The following CSMD1 variants were observed in gnomAD, a reference collection of about 807,000 sequenced individuals.
CSMD1 encodes the protein CUB and sushi domain-containing protein 1.
In CSMD1, 213 loss-of-function variants were observed where a neutral mutation model predicts 417.5. The observed-to-expected ratio is 0.51, with a 90% CI of 0.46 to 0.57. The LOEUF is 0.57. CSMD1 is among the 20% of genes least tolerant of loss of function. The probability of loss-of-function intolerance (pLI) is 0.00; values close to 1 mark genes in which losing one functional copy is unlikely to be tolerated. For missense variants in CSMD1, 6,923 were observed against 4,529.7 expected (o/e 1.53, Z -15.17); for synonymous variants, 2,862 against 1,736.8 (o/e 1.65, Z -16.11).
intron 1 of CSMD1, among the ~76,000 whole-genome samples, chr8:4,854,722 G>A (rs185069036): frequency 2.6e-5 from 4 of 152,248 alleles, no homozygotes; most frequent in African/African-American, 7.2e-5. Context: ...AAAAAACGGT[G>A]CACCACGAGA....
At chr8:4,793,089 T>C (rs1797781078) in intron 1 of CSMD1, among the ~76,000 whole-genome samples, 2 of 152,174 alleles carry the variant, frequency 1.3e-5, no homozygotes, top group South Asian at 4.1e-4. Flanking sequence ...TATAGCACTG[T>C]CATATACAAT....
chr8:4,040,011 T>A (rs909163290), intron 3 of CSMD1, among the ~76,000 whole-genome samples: 3 of 152,024 alleles, frequency 2.0e-5, no homozygotes, highest in Non-Finnish European at 1.5e-5. Flanking sequence ...CCCATACATG[T>A]CAGGACTGTT....
chr8:4,017,663 A>AT (rs889362534), intron 4 of CSMD1, among the ~76,000 whole-genome samples: 45 of 151,036 alleles, frequency 3.0e-4, no homozygotes, highest in African/African-American at 5.8e-4. Flanking sequence ...CTAATTAAGA[A>AT]TTTTTTTTTT....
At chr8:4,631,153 G>T (rs1001842361) in intron 2 of CSMD1, among the ~76,000 whole-genome samples, 2 of 152,096 alleles carry the variant, frequency 1.3e-5, no homozygotes. Context: ...ACGAGGTCAG[G>T]AGTTCTAGAC....
intron 26 of CSMD1, among the ~76,000 whole-genome samples, chr8:3,241,224 G>A (rs1366865567): frequency 2.6e-5 from 4 of 151,378 alleles, no homozygotes; most frequent in East Asian, 1.9e-4. Context: ...TAACTAAAAA[G>A]GAGTGCTTAA....
intron 1 of CSMD1, among the ~76,000 whole-genome samples, chr8:4,644,307 T>A (rs1016542929): frequency 3.9e-5 from 6 of 152,158 alleles, no homozygotes; most frequent in African/African-American, 1.4e-4. Flanking sequence ...TTGCCCAGAT[T>A]TTTTCATTGA....
At chr8:4,277,216 T>TACAC (rs398006965) in intron 3 of CSMD1, among the ~76,000 whole-genome samples, 219 of 147,094 alleles carry the variant, frequency 1.5e-3, no homozygotes, top group Non-Finnish European at 2.8e-3. Flanking sequence ...TATATATATA[T>TACAC]ACACACAGAC....
intron 3 of CSMD1, among the ~76,000 whole-genome samples, chr8:4,207,938 T>C (rs958327967): frequency 3.3e-5 from 5 of 152,164 alleles, no homozygotes; most frequent in African/African-American, 9.7e-5. Context: ...ATTTCTTCCA[T>C]GCCTAAGAAT....
chr8:4,090,677 T>G (rs935580572), intron 3 of CSMD1, among the ~76,000 whole-genome samples: 2 of 152,200 alleles, frequency 1.3e-5, no homozygotes, highest in Non-Finnish European at 2.9e-5. Context: ...CACATCAATT[T>G]CCTAATTTTA....
At chr8:4,821,972 A>C in intron 1 of CSMD1, among the ~76,000 whole-genome samples, 1 of 152,112 alleles carries the variant, frequency 6.6e-6, no homozygotes, top group Non-Finnish European at 1.5e-5. Flanking sequence ...AGAGAATACT[A>C]CGTAAAATAA....
In CSMD1 at chr8:3,351,977, TTTTG is replaced by T. The variant is rs1271728784; in HGVS notation, c.3305-3820_3305-3817del. On this transcript the variant is annotated intron_variant, in intron 21 of 69. Transcript: ENST00000635120. Reference sequence around the variant, plus strand: ...TACCATCCTACTGAACATAGGACAGTTTTGTTTTTGCTTTGTCACCTTTTTTTTC... The same window carrying T: ...TACCATCCTACTGAACATAGGACAGTTTTTTGCTTTGTCACCTTTTTTTTC... Among the ~76,000 whole-genome samples the T allele has an allele frequency of 2.6e-5, 4 of 152,226 alleles. No homozygotes were observed. In the East Asian group the frequency reaches 7.7e-4, roughly 29 times the overall value.
chr8:3,558,647 G>A lies in CSMD1; in HGVS notation c.1344+16298C>T, dbSNP rs537319667. 7.3e-5 allele frequency among the ~76,000 whole-genome samples: 11 copies of A among 150,032 alleles called. No homozygotes were observed. In the East Asian group the frequency reaches 9.8e-4, roughly 13 times the overall value. ...GAATAGTGCCTCAATAGTACCCCGTGTCCACTCCTCCAATGATGAACGGTG... is the reference window on the plus strand; with the variant it reads ...GAATAGTGCCTCAATAGTACCCCGTATCCACTCCTCCAATGATGAACGGTG... On this transcript the variant is annotated intron_variant, in intron 10 of 69. Transcript: ENST00000635120.
intron 2 of CSMD1, among the ~76,000 whole-genome samples, chr8:4,506,554 G>A (rs542333817): frequency 7.2e-5 from 11 of 152,032 alleles, no homozygotes; most frequent in African/African-American, 2.7e-4. Flanking sequence ...AAGGGACCTG[G>A]GTCTCTAAAT....
chr8:2,975,746 C>G (rs1375159599), intron 55 of CSMD1, among the ~76,000 whole-genome samples: 1 of 152,116 alleles, frequency 6.6e-6, no homozygotes. Context: ...AGACATGGAG[C>G]TCAGCTGCTC....
intron 11 of CSMD1, among the ~76,000 whole-genome samples, chr8:3,491,484 TATA>T (rs1490847347): frequency 5.3e-5 from 8 of 152,188 alleles, no homozygotes; most frequent in African/African-American, 1.9e-4. Context: ...TCATCATTAT[TATA>T]ATAAGTTGTG....
At chr8:4,663,507 C>G (rs1445440568) in intron 1 of CSMD1, among the ~76,000 whole-genome samples, 2 of 152,138 alleles carry the variant, frequency 1.3e-5, no homozygotes, top group African/African-American at 2.4e-5. Flanking sequence ...AGATATTCCC[C>G]TTGCTGTTGT....
intron 2 of CSMD1, among the ~76,000 whole-genome samples, chr8:4,446,199 TG>T (rs1798778779): frequency 1.3e-5 from 2 of 152,352 alleles, no homozygotes; most frequent in African/African-American, 4.8e-5. Flanking sequence ...AAAGACATTT[TG>T]TTTTTTCCAC....
intron 3 of CSMD1, among the ~76,000 whole-genome samples, chr8:4,169,541 C>G (rs906565148): frequency 1.3e-5 from 2 of 152,156 alleles, no homozygotes; most frequent in African/African-American, 4.8e-5. Flanking sequence ...TGGCAGCCTC[C>G]AAACTCATGT....
chr8:4,271,421 ATGT>A (rs1351981389), intron 3 of CSMD1, among the ~76,000 whole-genome samples: 2 of 152,194 alleles, frequency 1.3e-5, no homozygotes, highest in African/African-American at 4.8e-5. Context: ...CCTGTTTGAA[ATGT>A]TGTAGGAGAC....
Sources: gnomAD v4.1 joint callset for allele counts (sites outside exome capture counted in the v4.1 genomes callset) on GRCh38, gnomAD v4.1.1 for gene constraint, MANE v1.5 for transcripts, NCBI Gene and HGNC (gene_info 2026-07-23, HGNC 2026-07-21) for gene names.